RFXANK: variants seen among roughly 807,000 people sequenced by gnomAD.
The protein encoded by RFXANK is DNA-binding protein RFXANK.
Under a neutral mutation model 34.5 loss-of-function variants are expected in RFXANK, and 19 were observed. That is an observed-to-expected ratio of 0.55 (90% CI 0.38 to 0.81). The LOEUF is 0.81. RFXANK is among the 30% of genes least tolerant of loss of function. The pLI is 0.00. For missense variants in RFXANK, 295 were observed against 343.5 expected (o/e 0.86, Z 1.12); for synonymous variants, 154 against 149.8 (o/e 1.03, Z -0.20).
intron 3 of RFXANK, among the ~76,000 whole-genome samples, chr19:19,195,331 T>C (rs1050048192): frequency 7.1e-6 from 1 of 140,194 alleles, no homozygotes; most frequent in African/African-American, 2.6e-5. Flanking sequence ...CCCTCTCTTC[T>C]TGAGACAGAA....
intron 9 of RFXANK, chr19:19,200,908 C>T (rs1423195110): frequency 6.2e-6 from 1 of 162,006 alleles, no homozygotes; most frequent in African/African-American, 2.5e-5. Flanking sequence ...AAGCAATTCT[C>T]CTGCCTCAGC....
At chr19:19,196,734 G>A (rs997721160) in intron 3 of RFXANK, among the ~76,000 whole-genome samples, 3 of 151,794 alleles carry the variant, frequency 2.0e-5, no homozygotes, top group African/African-American at 7.3e-5. Context: ...GTGTGGTGGT[G>A]GGCGCCTATG....
chr19:19,194,730 G>A (rs2060568288), intron 3 of RFXANK, among the ~76,000 whole-genome samples: 1 of 149,242 alleles, frequency 6.7e-6, no homozygotes, highest in Admixed American at 6.7e-5. Flanking sequence ...CCACCTCCTG[G>A]GCTCAAGTGA....
At position 19,192,486 on chromosome 19, in the gene RFXANK, T is replaced by C. The variant is rs1293395665; in HGVS notation, c.-218T>C. The C allele has an allele frequency of 1.2e-5, 4 of 321,562 alleles. No homozygotes were observed. The highest frequency in any genetic ancestry group is 2.4e-5 in the Non-Finnish European group (4 of 169,976). The allele number at this position is 321,562 out of a possible 1,614,324, so 19.9% of individuals were successfully genotyped here. A position where few individuals can be genotyped will look rare whatever the true frequency, so the allele number is the denominator to read the frequency against. On this transcript the variant is annotated 5_prime_UTR_variant, in exon 1 of 10. Coordinates refer to ENST00000303088, the MANE Select transcript of RFXANK (RefSeq NM_003721.4). ...GCAAAAACTCCCTTCTTTAGCCCTC[T>C]GCCCCCGCCCTTGCTTATAAGCCTT...
Position 19,198,142 on chromosome 19 carries a change from G to A in RFXANK, c.474G>A (p.Glu158=). The change falls in exon 7 of 10, where the codon GAG becomes GAA. Residue 158 remains glutamate, a synonymous_variant. Coordinates refer to ENST00000303088, the MANE Select transcript of RFXANK (RefSeq NM_003721.4). ...CCCACATCCTGGCAAAAGAGCGAGA[G>A]AGCGCCCTGTCGCTGGCCAGCACAG... is the stretch of plus-strand genomic sequence containing the variant. The part of the protein sequence containing the change: ...ADPHILAKER[E]SALSLASTGG... 6.2e-7 allele frequency: 1 copy of A among 1,614,156 alleles called. No individual in the cohort carries two copies. The highest frequency in any genetic ancestry group is 8.5e-7 in the Non-Finnish European group (1 of 1,180,032).
In RFXANK at chr19:19,197,629, C is replaced by T; in HGVS notation, c.438+8C>T. ...CGCTTCCTGCTGGAGTGGGTGCGTC[C>T]CAGCCCAGCTGGGCAGCTGGGGGGT... On this transcript the variant is annotated splice_region_variant and intron_variant, in intron 6 of 9. Coordinates refer to ENST00000303088, the MANE Select transcript of RFXANK (RefSeq NM_003721.4). The T allele has an allele frequency of 6.2e-7, 1 of 1,613,128 alleles. No homozygotes were observed. The highest frequency in any genetic ancestry group is 8.5e-7 in the Non-Finnish European group (1 of 1,179,664).
At chr19:19,194,333 A>G (rs1599775046) in intron 3 of RFXANK, among the ~76,000 whole-genome samples, 200 bp downstream of exon 3, 1 of 152,124 alleles carries the variant, frequency 6.6e-6, no homozygotes. Context: ...CCTGGGTTCA[A>G]CTGATTCTCC....
At chr19:19,194,563 G>A (rs529178891) in intron 3 of RFXANK, among the ~76,000 whole-genome samples, 2 of 151,984 alleles carry the variant, frequency 1.3e-5, no homozygotes, top group Non-Finnish European at 2.9e-5. Flanking sequence ...ACAGGGTCTC[G>A]CTCTGTTACT....
In RFXANK at chr19:19,197,027, T is replaced by C. The variant is rs2060610827; in HGVS notation, c.252T>C (p.Ala84=). The stretch of plus-strand genomic sequence containing the variant: ...GGCAGCGAGGGAACGAGGTGTCAGC[T>C]CTGCCGGCCACCCTAGACTGTGAGT... ...TNRQRGNEVS[A]LPATLDSLSI... Residue 84 remains alanine (A), a synonymous_variant, in exon 4 of 10, where the codon GCT becomes GCC. Coordinates refer to ENST00000303088, the MANE Select transcript of RFXANK (RefSeq NM_003721.4). The C allele has an allele frequency of 6.2e-7, 1 of 1,613,488 alleles. No individual in the cohort carries two copies. Among genetic ancestry groups the C allele is most frequent in the Non-Finnish European group, 8.5e-7 (1 of 1,180,028 alleles).
intron 3 of RFXANK, among the ~76,000 whole-genome samples, chr19:19,195,725 A>G (rs1321359051): frequency 7.3e-6 from 1 of 137,274 alleles, no homozygotes; most frequent in African/African-American, 2.8e-5. Context: ...ATCCTCTTCT[A>G]CCTGCTTTTA....
rs752619067 is a variant in RFXANK, at chr19:19,198,613, GGAA to G, written c.565-41_565-39del. On this transcript the variant is annotated intron_variant, in intron 7 of 9. Coordinates refer to ENST00000303088, the MANE Select transcript of RFXANK (RefSeq NM_003721.4). ...AGAGTACAAGGCATTTTGAGAATGA[GGAA>G]GAGGTAAACCTTTGGTTTCTCCTGC... The G allele has an allele frequency of 2.9e-5, 46 of 1,604,378 alleles. No individual in the cohort carries two copies. In the African/African-American group the frequency reaches 4.8e-4, roughly 17 times the overall value.
intron 9 of RFXANK, among the ~76,000 whole-genome samples, chr19:19,199,760 G>A (rs565770291): frequency 1.3e-5 from 2 of 152,276 alleles, no homozygotes; most frequent in African/African-American, 4.8e-5. Context: ...ATCCCTCTCC[G>A]TGGCGGGCAG....
intron 9 of RFXANK, 86 bp from the exon 10 acceptor site, chr19:19,201,563 C>CCT: frequency 1.9e-6 from 3 of 1,609,078 alleles, no homozygotes; most frequent in Non-Finnish European, 2.5e-6. Context: ...CTGTTTGTCC[C>CCT]CTAAGGGGAG....
Position 19,197,604 on chromosome 19 carries a change from C to G in RFXANK, c.421C>G (p.Arg141Gly), listed in dbSNP as rs779039407. 6.2e-7 allele frequency: 1 copy of G among 1,613,742 alleles called. No individual in the cohort carries two copies. ...CGCCTTTGGAGAGATTGAGACCGTT[C>G]GCTTCCTGCTGGAGTGGGTGCGTCC... ...ASAFGEIETVRFLLEWGADPH... is the reference protein window; with the variant it reads ...ASAFGEIETVGFLLEWGADPH... Residue 141 changes from arginine (R) to glycine (G), a missense_variant, in exon 6 of 10, where the codon CGC (arginine) becomes GGC (glycine). Physicochemically the swap from Arg to Gly is moderately radical, Grantham distance 125 (BLOSUM62 -2). Transcript: ENST00000303088.
chr19:19,197,719 C>A, intron 6 of RFXANK, 98 bp downstream of exon 6: 1 of 1,107,846 alleles, frequency 9.0e-7, no homozygotes, highest in Non-Finnish European at 1.3e-6. Context: ...CTTTGAGATG[C>A]GGCTGCTGGC....
Position 19,196,891 on chromosome 19 carries a change from A to G in RFXANK, c.188-72A>G, listed in dbSNP as rs553358037. On this transcript the variant is annotated intron_variant, in intron 3 of 9. Transcript: ENST00000303088. ...AACAACAACAGCAACAAAAAAAAAC[A>G]GATGGGCTTCTGTCCTGAAGCCTCA... 123 of 1,376,166 alleles carry G rather than the reference A, an allele frequency of 8.9e-5. No homozygotes were observed. In the South Asian group the frequency reaches 1.3e-3, roughly 15 times the overall value. 85.2% of individuals were successfully genotyped at this position (1,376,166 alleles called of 1,614,324 possible).
chr19:19,195,046 T>C (rs1313607271), intron 3 of RFXANK, among the ~76,000 whole-genome samples: 1 of 147,068 alleles, frequency 6.8e-6, no homozygotes, highest in Non-Finnish European at 1.5e-5. Context: ...CGTTTTTTTT[T>C]TCTTTCTTTC....
At chr19:19,199,310 C>A in intron 9 of RFXANK, 76 bp downstream of exon 9, 2 of 1,362,466 alleles carry the variant, frequency 1.5e-6, no homozygotes, top group Admixed American at 1.7e-5. Context: ...ACATGGGACA[C>A]CCCTTCAGTG....
chr19:19,198,064 A>G (rs1396531456), intron 6 of RFXANK, 43 bp from the exon 7 acceptor site: 1 of 1,609,124 alleles, frequency 6.2e-7, no homozygotes, highest in African/African-American at 1.3e-5. Flanking sequence ...ATTCCTGGTT[A>G]TGCCCCAATC....
Sources: gnomAD v4.1 joint callset for allele counts (sites outside exome capture counted in the v4.1 genomes callset) on GRCh38, gnomAD v4.1.1 for gene constraint, MANE v1.5 for transcripts, NCBI Gene and HGNC (gene_info 2026-07-23, HGNC 2026-07-21) for gene names.